The following PLA2R1 variants were observed in gnomAD, a reference collection of about 807,000 sequenced individuals.
The protein encoded by PLA2R1 is phospholipase A2 receptor 1.
PLA2R1 carries 158 observed loss-of-function variants against 195.9 expected under a neutral mutation model. The observed-to-expected ratio is 0.81, with a 90% CI of 0.71 to 0.92. The LOEUF is 0.92. Ranked by LOEUF, PLA2R1 falls within the 40% of genes least tolerant of loss-of-function variation. The pLI is 0.00. For missense variants in PLA2R1, 1,626 were observed against 1,764.6 expected (o/e 0.92, Z 1.41); for synonymous variants, 586 against 598.2 (o/e 0.98, Z 0.30).
chr2:160,034,731 G>A (rs930712578), intron 3 of PLA2R1, among the ~76,000 whole-genome samples: 36 of 152,038 alleles, frequency 2.4e-4, no homozygotes, highest in Non-Finnish European at 2.9e-5. Context: ...TCAGGAGTTC[G>A]AGACCAGCCT....
chr2:160,023,518 G>A (rs542704372), intron 6 of PLA2R1, among the ~76,000 whole-genome samples: 1 of 152,284 alleles, frequency 6.6e-6, no homozygotes, highest in South Asian at 2.1e-4. Context: ...CCTCAGTTCC[G>A]AAAATTGTAT....
chr2:160,038,020 T>C (rs1016933139), intron 3 of PLA2R1, among the ~76,000 whole-genome samples: 1 of 152,162 alleles, frequency 6.6e-6, no homozygotes, highest in African/African-American at 2.4e-5. Flanking sequence ...TCAATACATA[T>C]TTGTTAAATG....
At position 160,062,467 on chromosome 2, in the gene PLA2R1, G is replaced by A. The variant is rs1696035873; in HGVS notation, c.-64C>T. 12 of 1,465,194 alleles carry A rather than the reference G, an allele frequency of 8.2e-6. No individual in the cohort carries two copies. The highest frequency in any genetic ancestry group is 1.1e-5 in the Non-Finnish European group (12 of 1,111,702). The allele number at this position is 1,465,194 out of a possible 1,614,324, so 90.8% of individuals were successfully genotyped here. On this transcript the variant is annotated 5_prime_UTR_variant, in exon 1 of 30. Transcript: ENST00000283243. ...GAGCCCCTTATCCCGGGAGCCCAGA[G>A]CCGCGTCCCAAGCACCCGGCCCCGC...
At position 159,949,721 on chromosome 2, in the gene PLA2R1, TTCCAAA is replaced by T. The variant is rs760169392; in HGVS notation, c.3590_3595del (p.Phe1197_Lys1199delinsTer). Reference sequence around the variant, plus strand: ...ACCAAGGAGGGAGGACTCCTCATCTTTCCAAAAAGTGAAAGAAGATTTGGTGCCATC... The same window carrying T: ...ACCAAGGAGGGAGGACTCCTCATCTTAAGTGAAAGAAGATTTGGTGCCATC... On this transcript the variant is annotated stop_gained and inframe_deletion, in exon 25 of 30. Coordinates refer to ENST00000283243, the MANE Select transcript of PLA2R1 (RefSeq NM_007366.5). LOFTEE classifies it high-confidence loss of function. The T allele has an allele frequency of 3.0e-5, 48 of 1,613,948 alleles. No homozygotes were observed. Among genetic ancestry groups the T allele is most frequent in the Non-Finnish European group, 4.0e-5 (47 of 1,179,836 alleles).
At chr2:160,054,196 G>A (rs1423144071) in intron 1 of PLA2R1, among the ~76,000 whole-genome samples, 1 of 152,168 alleles carries the variant, frequency 6.6e-6, no homozygotes, top group Admixed American at 6.5e-5. Flanking sequence ...AGCACTTTGG[G>A]AGGCCGGGGC....
chr2:159,977,510 G>A, intron 14 of PLA2R1, 94 bp from the exon 15 acceptor site: 1 of 1,011,638 alleles, frequency 9.9e-7, no homozygotes, highest in Non-Finnish European at 1.5e-6. Flanking sequence ...AGCATTATAG[G>A]CTACTCCAGG....
intron 10 of PLA2R1, among the ~76,000 whole-genome samples, chr2:160,009,950 A>T (rs1274321353): frequency 2.6e-5 from 4 of 151,976 alleles, no homozygotes; most frequent in African/African-American, 4.8e-5. Flanking sequence ...TCTGTAAAAA[A>T]TTTTAAAAAA....
chr2:160,016,510 G>A (rs2715939), intron 9 of PLA2R1, 104 bp downstream of exon 9: 493,359 of 666,392 alleles, frequency 0.74, 182,814 homozygotes, highest in East Asian at 0.86. Context: ...TGAAAGAGAG[G>A]AGAGAGAGAG....
intron 3 of PLA2R1, among the ~76,000 whole-genome samples, chr2:160,033,929 T>G (rs1475126234): frequency 6.6e-6 from 1 of 152,144 alleles, no homozygotes; most frequent in Non-Finnish European, 1.5e-5. Context: ...TACTGCAGCA[T>G]GACTGAAAAT....
In PLA2R1 at chr2:160,007,028, C is replaced by T. The variant is rs142414870; in HGVS notation, c.1665-1207G>A. Among the ~76,000 whole-genome samples, 389 of 152,252 alleles carry T rather than the reference C, an allele frequency of 2.6e-3. 2 individuals carry two copies. Among genetic ancestry groups the T allele is most frequent in the African/African-American group, 8.8e-3 (365 of 41,550 alleles). On this transcript the variant is annotated intron_variant, in intron 10 of 29. Coordinates refer to ENST00000283243, the MANE Select transcript of PLA2R1 (RefSeq NM_007366.5). ...CATCTTTGCAGGGGATATGGATTTT[C>T]GTCATACTTTAGTAAATATTTTCTG...
At chr2:160,038,544 G>A (rs543892008) in intron 3 of PLA2R1, among the ~76,000 whole-genome samples, 1 of 152,302 alleles carries the variant, frequency 6.6e-6, no homozygotes, top group South Asian at 2.1e-4. Context: ...TCATCCTCGC[G>A]CATAGAAGGG....
At chr2:160,029,876 C>T (rs1388474808) in intron 4 of PLA2R1, among the ~76,000 whole-genome samples, 2 of 152,160 alleles carry the variant, frequency 1.3e-5, no homozygotes, top group Admixed American at 6.5e-5. Context: ...GAGCATTGTT[C>T]GCTTACAATT....
intron 20 of PLA2R1, among the ~76,000 whole-genome samples, chr2:159,961,942 C>T (rs140574961): frequency 1.3e-5 from 2 of 152,134 alleles, no homozygotes; most frequent in East Asian, 3.8e-4. Context: ...TAGAAGAAAA[C>T]CTGGGCAATA....
intron 19 of PLA2R1, 142 bp from the exon 20 acceptor site, chr2:159,967,820 C>T: frequency 1.6e-6 from 1 of 614,024 alleles, no homozygotes; most frequent in East Asian, 3.1e-5. Flanking sequence ...AACTACTGAT[C>T]TTAGATTTCT....
intron 19 of PLA2R1, among the ~76,000 whole-genome samples, chr2:159,967,960 A>G (rs1348304667): frequency 6.6e-6 from 1 of 152,182 alleles, no homozygotes. Context: ...AATCTTAAGA[A>G]TATTTGACTT....
At chr2:159,977,666 G>A (rs564102890) in intron 14 of PLA2R1, among the ~76,000 whole-genome samples, 12 of 152,192 alleles carry the variant, frequency 7.9e-5, no homozygotes, top group Non-Finnish European at 1.2e-4. Flanking sequence ...GGCCAGGCAC[G>A]GTGGCTCATG....
chr2:159,975,059 G>A (rs1364369201), intron 17 of PLA2R1, among the ~76,000 whole-genome samples: 1 of 152,128 alleles, frequency 6.6e-6, no homozygotes, highest in Non-Finnish European at 1.5e-5. Flanking sequence ...TGCTTTCAAA[G>A]CTTCCAAGGG....
intron 1 of PLA2R1, among the ~76,000 whole-genome samples, chr2:160,049,719 G>A (rs557686740): frequency 5.3e-5 from 8 of 152,190 alleles, no homozygotes; most frequent in East Asian, 1.9e-4. Flanking sequence ...CCAGCTACTC[G>A]GGAAGCTGAG....
At chr2:160,051,442 CTGACATTAT>C (rs1406095662) in intron 1 of PLA2R1, among the ~76,000 whole-genome samples, 3 of 152,198 alleles carry the variant, frequency 2.0e-5, no homozygotes, top group Admixed American at 2.0e-4. Flanking sequence ...CCTTGCTGTT[CTGACATTAT>C]TAGGTTTCAG....
Sources: allele counts gnomAD v4.1 joint callset (sites outside exome capture counted in the v4.1 genomes callset), GRCh38; gene constraint gnomAD v4.1.1; transcripts MANE v1.5; gene names NCBI Gene and HGNC (gene_info 2026-07-23, HGNC 2026-07-21).